The following AIG1 variants were observed in gnomAD, a reference collection of about 807,000 sequenced individuals.
AIG1 encodes androgen induced 1.
Under a neutral mutation model 31.4 loss-of-function variants are expected in AIG1, and 23 were observed. The observed-to-expected ratio is 0.73, with a 90% CI of 0.53 to 1.04. AIG1 has a LOEUF of 1.04. Ranked by LOEUF, AIG1 falls within the 50% of genes least tolerant of loss-of-function variation. The pLI is 0.00. For missense variants in AIG1, 274 were observed against 295.0 expected (o/e 0.93, Z 0.52); for synonymous variants, 100 against 110.5 (o/e 0.90, Z 0.60).
chr6:143,221,012 G>GTTGTTT (rs1792467229), intron 3 of AIG1, among the ~76,000 whole-genome samples: 2 of 152,008 alleles, frequency 1.3e-5, no homozygotes, highest in Non-Finnish European at 2.9e-5. Flanking sequence ...TGTTGTTGTT[G>GTTGTTT]TTGTTTAACC....
Position 143,091,131 on chromosome 6 carries a change from A to T in AIG1, c.141+30065A>T, listed in dbSNP as rs150911709. ...TTCAAGTGTGTCATGACGTTGCAGCAATTCAATCATATCTTCAGACTCCAC... is the reference window on the plus strand; with the variant it reads ...TTCAAGTGTGTCATGACGTTGCAGCTATTCAATCATATCTTCAGACTCCAC... On this transcript the variant is annotated intron_variant, in intron 1 of 5. Transcript: ENST00000357847. Among the ~76,000 whole-genome samples the T allele has an allele frequency of 8.0e-4, 122 of 152,276 alleles. 1 individual carries two copies. Among genetic ancestry groups the T allele is most frequent in the African/African-American group, 2.8e-3 (116 of 41,554 alleles).
At chr6:143,283,383 G>A (rs1332095440) in intron 3 of AIG1, among the ~76,000 whole-genome samples, 2 of 152,190 alleles carry the variant, frequency 1.3e-5, no homozygotes, top group Non-Finnish European at 2.9e-5. Context: ...AGCTGATTTG[G>A]CGTTGTTTGC....
chr6:143,116,447 G>A (rs1781744215), intron 1 of AIG1, among the ~76,000 whole-genome samples: 1 of 151,860 alleles, frequency 6.6e-6, no homozygotes, highest in Admixed American at 6.6e-5. Context: ...ATTCAGCAGG[G>A]AATAAAATAT....
intron 1 of AIG1, among the ~76,000 whole-genome samples, chr6:143,097,399 T>A (rs1003784225): frequency 2.6e-5 from 4 of 152,138 alleles, no homozygotes; most frequent in Non-Finnish European, 5.9e-5. Flanking sequence ...CCTCATCATA[T>A]CCTGTTTACC....
chr6:143,182,805 G>A (rs1478034481), intron 3 of AIG1, among the ~76,000 whole-genome samples: 1 of 152,204 alleles, frequency 6.6e-6, no homozygotes, highest in East Asian at 1.9e-4. Flanking sequence ...TGTTGCATGA[G>A]TGAATCATCC....
At position 143,098,170 on chromosome 6, in the gene AIG1, G is replaced by C. The variant is rs140174024; in HGVS notation, c.141+37104G>C. Among the ~76,000 whole-genome samples the C allele has an allele frequency of 2.6e-4, 40 of 152,236 alleles. 1 individual carries two copies. Among genetic ancestry groups the C allele is most frequent in the African/African-American group, 9.4e-4 (39 of 41,538 alleles). ...TCCTTGGAAGAAGTCTACACTTCTG[G>C]TTTTCACTTCCTCTTCCTCCATTCT... On this transcript the variant is annotated intron_variant, in intron 1 of 5. Coordinates refer to ENST00000357847, the MANE Select transcript of AIG1 (RefSeq NM_016108.4).
chr6:143,302,872 C>T (rs1346006857), intron 4 of AIG1, among the ~76,000 whole-genome samples: 1 of 152,178 alleles, frequency 6.6e-6, no homozygotes, highest in Non-Finnish European at 1.5e-5. Flanking sequence ...TTCTCCACAT[C>T]CTCTCCAGCA....
rs567989848 is a variant in AIG1, at chr6:143,226,246, A to ATATT, written c.400-57863_400-57862insATTT. On this transcript the variant is annotated intron_variant, in intron 3 of 5. Coordinates refer to ENST00000357847, the MANE Select transcript of AIG1 (RefSeq NM_016108.4). The stretch of plus-strand genomic sequence containing the variant: ...CCATTCTTCTTAACTATATATATAT[A>ATATT]TTTTTTTTTTTTTGAGATGGAGTCT... Among the ~76,000 whole-genome samples the ATATT allele has an allele frequency of 6.9e-3, 977 of 142,040 alleles. 4 individuals are homozygous for ATATT. The highest frequency in any genetic ancestry group is 0.025 in the East Asian group (123 of 4,928). 93.2% of individuals were successfully genotyped at this position (142,040 alleles called of 152,430 possible).
intron 3 of AIG1, among the ~76,000 whole-genome samples, chr6:143,174,772 T>C (rs1392953212): frequency 1.3e-5 from 2 of 152,236 alleles, no homozygotes; most frequent in African/African-American, 2.4e-5. Context: ...TGCCATTTTG[T>C]GTCTTTTAAG....
rs117316720 is a variant in AIG1 at position 143,322,275 on chromosome 6, G to A, written c.516-11007G>A. 3.8e-4 allele frequency among the ~76,000 whole-genome samples: 58 copies of A among 152,248 alleles called. No individual in the cohort carries two copies. In the East Asian group the frequency reaches 9.5e-3, roughly 25 times the overall value. On this transcript the variant is annotated intron_variant, in intron 4 of 5. Transcript: ENST00000357847. ...ATCTAGTGGAGGGAGGGATATAAGC[G>A]ATGCCAGAGAGAGACACTGAAGATA...
At chr6:143,091,051 T>A (rs781375410) in intron 1 of AIG1, among the ~76,000 whole-genome samples, 3 of 151,014 alleles carry the variant, frequency 2.0e-5, no homozygotes, top group Non-Finnish European at 4.4e-5. Context: ...AGGTGTAGAT[T>A]CCATTTCAAG....
chr6:143,240,696 C>T (rs1252405785), intron 3 of AIG1, among the ~76,000 whole-genome samples: 3 of 152,130 alleles, frequency 2.0e-5, no homozygotes, highest in South Asian at 4.1e-4. Context: ...GAACCAAAAT[C>T]TGTACCAAAT....
At chr6:143,173,015 C>T (rs1383172829) in intron 3 of AIG1, among the ~76,000 whole-genome samples, 1 of 151,756 alleles carries the variant, frequency 6.6e-6, no homozygotes, top group Non-Finnish European at 1.5e-5. Context: ...AAAGAGTCAA[C>T]TTTTTGTTTC....
chr6:143,203,727 C>A (rs9399428), intron 3 of AIG1, among the ~76,000 whole-genome samples: 2 of 152,114 alleles, frequency 1.3e-5, no homozygotes, highest in African/African-American at 4.8e-5. Flanking sequence ...TTGGTTGGAT[C>A]CATGAGCCAT....
downstream of AIG1, chr6:143,343,062 A>G: frequency 1.3e-6 from 1 of 784,470 alleles, no homozygotes; most frequent in Non-Finnish European, 2.4e-6. Flanking sequence ...ATGGACCATC[A>G]CTTGGTGCAT....
At chr6:143,112,929 G>A (rs575600226) in intron 1 of AIG1, among the ~76,000 whole-genome samples, 5 of 152,296 alleles carry the variant, frequency 3.3e-5, no homozygotes, top group Admixed American at 3.3e-4. Context: ...TTAGGACTTA[G>A]TTGAGACTTG....
At chr6:143,226,697 A>G (rs911129569) in intron 3 of AIG1, among the ~76,000 whole-genome samples, 1 of 152,174 alleles carries the variant, frequency 6.6e-6, no homozygotes, top group Non-Finnish European at 1.5e-5. Context: ...TATTGAATTT[A>G]AAATAGGTAG....
intron 3 of AIG1, among the ~76,000 whole-genome samples, chr6:143,176,693 G>T (rs371975940): frequency 6.6e-6 from 1 of 152,200 alleles, no homozygotes; most frequent in Admixed American, 6.5e-5. Context: ...AGCTGGTCTC[G>T]CTCCCACCTC....
At position 143,334,010 on chromosome 6, in the gene AIG1, A is replaced by G; in HGVS notation, c.679+565A>G. On this transcript the variant is annotated intron_variant, in intron 5 of 5. Coordinates refer to ENST00000357847, the MANE Select transcript of AIG1 (RefSeq NM_016108.4). This position sits in a 1 kb window ranked among gnomAD's most constrained non-coding sequence, Gnocchi z 5.1. ...AAAGAGCTACAAGCAGTAAAAGATAATATTTCGTGGCTGGAAAAACTCTTT... is the reference window on the plus strand; with the variant it reads ...AAAGAGCTACAAGCAGTAAAAGATAGTATTTCGTGGCTGGAAAAACTCTTT... 1 of 1,514,260 alleles carries G rather than the reference A, an allele frequency of 6.6e-7. No individual in the cohort carries two copies. The highest frequency in any genetic ancestry group is 9.0e-7 in the Non-Finnish European group (1 of 1,116,458). The allele number at this position is 1,514,260 out of a possible 1,614,324, so 93.8% of individuals were successfully genotyped here. A position where few individuals can be genotyped will look rare whatever the true frequency, so the allele number is the denominator to read the frequency against.
Sources: gnomAD v4.1 joint callset for allele counts (sites outside exome capture counted in the v4.1 genomes callset) on GRCh38, gnomAD v4.1.1 for gene constraint, Gnocchi (gnomAD v3.1) non-coding constraint, MANE v1.5 for transcripts, NCBI Gene and HGNC (gene_info 2026-07-23, HGNC 2026-07-21) for gene names.